The following UNC5A variants were observed in gnomAD, a reference collection of about 807,000 sequenced individuals.
UNC5A encodes the protein unc-5 netrin receptor A, also known as netrin receptor UNC5A.
A neutral mutation model predicts 87.4 loss-of-function variants in UNC5A; 20 were observed. The observed-to-expected ratio is 0.23, with a 90% confidence interval of 0.16 to 0.33. UNC5A has a LOEUF of 0.33. UNC5A is among the 10% of genes least tolerant of loss of function. UNC5A has a pLI of 1.00. For synonymous variants in UNC5A, 438 were observed against 482.3 expected (o/e 0.91, Z 1.20); for missense variants, 844 against 1,133.4 (o/e 0.74, Z 3.67).
chr5:176,857,795 C>T (rs2113644600), intron 1 of UNC5A, among the ~76,000 whole-genome samples: 1 of 152,318 alleles, frequency 6.6e-6, no homozygotes, highest in South Asian at 2.1e-4. Context: ...TGACCAAGCG[C>T]CCGTCAGGAA....
chr5:176,880,186 C>A lies in UNC5A; in HGVS notation c.*300C>A. 3.0e-6 allele frequency: 1 copy of A among 330,098 alleles called. No individual in the cohort carries two copies. Among genetic ancestry groups the A allele is most frequent in the Non-Finnish European group, 5.7e-6 (1 of 176,862 alleles). 20.4% of individuals were successfully genotyped at this position (330,098 alleles called of 1,614,324 possible). ...TGTGTGTATGTGCGTGTGATGCTAC[C>A]TCTCCTCCCGTCCCTCTCCAGGGGC... On this transcript the variant is annotated 3_prime_UTR_variant, in exon 15 of 15. Transcript: ENST00000329542.
rs115453693 is a variant in UNC5A at position 176,880,463 on chromosome 5, C to G, written c.*577C>G. On this transcript the variant is annotated 3_prime_UTR_variant, in exon 15 of 15. Coordinates refer to ENST00000329542, the MANE Select transcript of UNC5A (RefSeq NM_133369.3). ...GCTCATCTCACACACACCCCCCTCC[C>G]GGGTCACGCAGACACCCCCCAACCA... 3 of 154,110 alleles carry G rather than the reference C, an allele frequency of 1.9e-5. No individual in the cohort carries two copies. Among genetic ancestry groups the G allele is most frequent in the African/African-American group, 7.2e-5 (3 of 41,456 alleles). 9.5% of individuals were successfully genotyped at this position (154,110 alleles called of 1,614,324 possible). A position where few individuals can be genotyped will look rare whatever the true frequency, so the allele number is the denominator to read the frequency against.
intron 8 of UNC5A, 31 bp from the exon 9 acceptor site, chr5:176,877,161 G>A: frequency 6.4e-7 from 1 of 1,567,142 alleles, no homozygotes; most frequent in Non-Finnish European, 8.8e-7. Flanking sequence ...TTGGCAGTGG[G>A]TAAGCCCTGG....
intron 1 of UNC5A, among the ~76,000 whole-genome samples, chr5:176,814,846 G>T (rs1331572336): frequency 6.6e-6 from 1 of 152,212 alleles, no homozygotes; most frequent in Non-Finnish European, 1.5e-5. Context: ...TTGCAGGCAG[G>T]GAGGGCTGCT....
chr5:176,812,228 C>T (rs1756476300), intron 1 of UNC5A, among the ~76,000 whole-genome samples: 1 of 152,188 alleles, frequency 6.6e-6, no homozygotes. Flanking sequence ...CGCAGATGAG[C>T]ACCCGGGTGC....
chr5:176,874,005 C>A lies in UNC5A; in HGVS notation c.924C>A (p.Gly308=), dbSNP rs1758194926. The change falls in exon 7 of 15, where the codon GGC becomes GGA. Residue 308 remains glycine (G), a synonymous_variant. Coordinates refer to ENST00000329542, the MANE Select transcript of UNC5A (RefSeq NM_133369.3). The surrounding 1 kb of genome is among the most constrained non-coding windows in gnomAD (Gnocchi z 7.6). ...SGPEDVALYV[G]LIAVAVCLVL... ...CTGAGGACGTGGCCCTCTATGTGGG[C>A]CTCATCGCCGTGGCCGTCTGCCTGG... 2 of 1,613,808 alleles carry A rather than the reference C, an allele frequency of 1.2e-6. No individual in the cohort carries two copies. Among genetic ancestry groups the A allele is most frequent in the Non-Finnish European group, 8.5e-7 (1 of 1,179,960 alleles).
At chr5:176,862,877 T>A in intron 2 of UNC5A, 32 bp downstream of exon 2, 1 of 1,608,778 alleles carries the variant, frequency 6.2e-7, no homozygotes, top group Non-Finnish European at 8.5e-7. Context: ...GCAGGGCCAA[T>A]CCGGGGGAGG....
At chr5:176,812,304 T>C (rs1262129514) in intron 1 of UNC5A, among the ~76,000 whole-genome samples, 1 of 152,200 alleles carries the variant, frequency 6.6e-6, no homozygotes, top group East Asian at 1.9e-4. Context: ...GGGTGTTGCC[T>C]GACACCCAGT....
intron 1 of UNC5A, among the ~76,000 whole-genome samples, chr5:176,855,602 C>T (rs761328056): frequency 7.2e-5 from 11 of 152,210 alleles, no homozygotes; most frequent in Non-Finnish European, 8.8e-5. Context: ...TTGCACGTGG[C>T]GAAGACGCCG....
rs1374206549 is a variant in UNC5A, at chr5:176,865,534, C to A, written c.293-2596C>A. ...CAGGGTCCTCTTCTGCCCCGAGCAT[C>A]CGACTCCAGCCTCCCATGGCCGGAA... On this transcript the variant is annotated intron_variant, in intron 2 of 14. Coordinates refer to ENST00000329542, the MANE Select transcript of UNC5A (RefSeq NM_133369.3). This position sits in a 1 kb window ranked among gnomAD's most constrained non-coding sequence, Gnocchi z 5.3. 1 of 454,574 alleles carries A rather than the reference C, an allele frequency of 2.2e-6. No homozygotes were observed. Among genetic ancestry groups the A allele is most frequent in the Non-Finnish European group, 4.4e-6 (1 of 225,234 alleles). The allele number at this position is 454,574 out of a possible 1,614,324, so 28.2% of individuals were successfully genotyped here.
Position 176,879,986 on chromosome 5 carries a change from C to T in UNC5A, c.*100C>T, listed in dbSNP as rs994052695. 4.2e-6 allele frequency: 6 copies of T among 1,425,878 alleles called. No homozygotes were observed. In the African/African-American group the frequency reaches 8.5e-5, roughly 20 times the overall value. 88.3% of individuals were successfully genotyped at this position (1,425,878 alleles called of 1,614,324 possible). On this transcript the variant is annotated 3_prime_UTR_variant, in exon 15 of 15. Coordinates refer to ENST00000329542, the MANE Select transcript of UNC5A (RefSeq NM_133369.3). ...CCCTTCCCCACACCGGGGAGAGCTG[C>T]TCGGACAGGCCCCCTCCCGGCCGAA...
chr5:176,851,644 G>T (rs1327938486), intron 1 of UNC5A, among the ~76,000 whole-genome samples: 2 of 152,250 alleles, frequency 1.3e-5, no homozygotes, highest in Non-Finnish European at 2.9e-5. Flanking sequence ...CTCTGAGGGA[G>T]CTCTGTGCAC....
chr5:176,873,909 C>T, intron 6 of UNC5A, 59 bp from the exon 7 acceptor site: 1 of 1,561,766 alleles, frequency 6.4e-7, no homozygotes, highest in Non-Finnish European at 8.7e-7. Context: ...AGACCACTGA[C>T]CTCTCCTTCC....
Position 176,877,647 on chromosome 5 carries a change from A to G in UNC5A, c.1579A>G (p.Ser527Gly). ...ILAMDHCGEP[S>G]PDSWSLRLKK... The stretch of plus-strand genomic sequence containing the variant: ...GGCTATGGACCACTGTGGGGAGCCC[A>G]GCCCTGACAGCTGGAGCCTGCGCCT... Residue 527 changes from serine to glycine, a missense_variant, in exon 10 of 15, where the codon AGC (serine) becomes GGC (glycine). Physicochemically the swap from Ser to Gly is moderately conservative, Grantham distance 56. Around this residue, in one of 3 missense-constraint regions of UNC5A, gnomAD observed 353 missense variants for 387.5 expected, o/e 0.91. Transcript: ENST00000329542. 1 of 1,612,134 alleles carries G rather than the reference A, an allele frequency of 6.2e-7. No individual in the cohort carries two copies. Among genetic ancestry groups the G allele is most frequent in the Non-Finnish European group, 8.5e-7 (1 of 1,179,388 alleles).
chr5:176,832,382 G>A (rs984986414), intron 1 of UNC5A, among the ~76,000 whole-genome samples: 2 of 152,186 alleles, frequency 1.3e-5, no homozygotes, highest in Admixed American at 1.3e-4. Context: ...AATGGCAGGA[G>A]CAAAGTCCAC....
At chr5:176,825,917 G>A (rs796865504) in intron 1 of UNC5A, among the ~76,000 whole-genome samples, 2 of 152,376 alleles carry the variant, frequency 1.3e-5, no homozygotes, top group South Asian at 4.1e-4. Flanking sequence ...AGGGCCGTGT[G>A]ACCATGAGGG....
In UNC5A at chr5:176,840,328, G is replaced by A. The variant is rs374205160; in HGVS notation, c.71-22296G>A. Among the ~76,000 whole-genome samples, 16 of 152,276 alleles carry A rather than the reference G, an allele frequency of 1.1e-4. No homozygotes were observed. In the East Asian group the frequency reaches 1.7e-3, roughly 17 times the overall value. Reference sequence around the variant, plus strand: ...AGGGAAGGAACTCCGAGGCATGGGGGCCCGCTGTGAGGGTGCAGGGACAGG... The same window carrying A: ...AGGGAAGGAACTCCGAGGCATGGGGACCCGCTGTGAGGGTGCAGGGACAGG... On this transcript the variant is annotated intron_variant, in intron 1 of 14. Transcript: ENST00000329542.
At chr5:176,832,414 G>A (rs376617728) in intron 1 of UNC5A, among the ~76,000 whole-genome samples, 19 of 152,300 alleles carry the variant, frequency 1.2e-4, no homozygotes, top group African/African-American at 2.2e-4. Context: ...GCTAGCTCTC[G>A]TAGTAATTCT....
At chr5:176,814,512 C>T (rs1186556318) in intron 1 of UNC5A, among the ~76,000 whole-genome samples, 1 of 152,224 alleles carries the variant, frequency 6.6e-6, no homozygotes, top group Admixed American at 6.5e-5. Context: ...GGACACACCC[C>T]TTTGCTGCTG....
Sources: allele counts gnomAD v4.1 joint callset (sites outside exome capture counted in the v4.1 genomes callset), GRCh38; gene constraint gnomAD v4.1.1; regional missense constraint gnomAD v4.1.1; non-coding constraint Gnocchi (gnomAD v3.1); transcripts MANE v1.5; gene names NCBI Gene and HGNC (gene_info 2026-07-23, HGNC 2026-07-21).